Variants in KPNA7 observed in about 807,000 individuals in gnomAD.
KPNA7 encodes the protein importin subunit alpha-8.
A neutral mutation model predicts 53.7 loss-of-function variants in KPNA7; 54 were observed. That is an observed-to-expected ratio of 1.01 (90% CI 0.81 to 1.26). The LOEUF is 1.26. KPNA7 is among the 50% of genes most tolerant of loss of function. KPNA7 has a pLI of 0.00. For synonymous variants in KPNA7, 276 were observed against 259.3 expected (o/e 1.06, Z -0.62); for missense variants, 640 against 644.5 (o/e 0.99, Z 0.07).
chr7:99,149,839 TATAG>T, the KPNA7 span, among the ~76,000 whole-genome samples: 1 of 152,084 alleles, frequency 6.6e-6, no homozygotes, highest in Non-Finnish European at 1.5e-5. Context: ...CAGGCTGGAG[TATAG>T]CAGCACGATC....
At chr7:99,208,263 A>G (rs973841944), upstream of KPNA7, among the ~76,000 whole-genome samples, 6 of 148,864 alleles carry the variant, frequency 4.0e-5, 1 homozygote, top group Admixed American at 4.0e-4. Context: ...TATTTTATTT[A>G]TTTATTTTTT....
intron 8 of KPNA7, among the ~76,000 whole-genome samples, chr7:99,183,113 G>C (rs28588864): frequency 1.3e-5 from 2 of 151,988 alleles, no homozygotes; most frequent in African/African-American, 4.8e-5. Context: ...AAAATTAGCC[G>C]GGTGTGGAGG....
intron 4 of KPNA7, 150 bp downstream of exon 4, chr7:99,195,934 A>G (rs1322751860): frequency 3.1e-6 from 2 of 639,134 alleles, no homozygotes; most frequent in South Asian, 1.9e-5. Context: ...TAGAATAGCA[A>G]TTTCGTCTTT....
chr7:99,168,263 G>T, the KPNA7 span, among the ~76,000 whole-genome samples: 1 of 152,088 alleles, frequency 6.6e-6, no homozygotes, highest in East Asian at 1.9e-4. Flanking sequence ...TGATACTTAG[G>T]TCCTACCCCC....
the KPNA7 span, among the ~76,000 whole-genome samples, chr7:99,166,628 T>C: frequency 6.6e-6 from 1 of 151,634 alleles, no homozygotes; most frequent in African/African-American, 2.4e-5. Flanking sequence ...CTATTTTATT[T>C]ATTTTTTTTG....
the KPNA7 span, among the ~76,000 whole-genome samples, chr7:99,163,372 TA>T: frequency 5.0e-5 from 3 of 59,786 alleles, no homozygotes; most frequent in Non-Finnish European, 1.1e-4. Context: ...TATATATATA[TA>T]TATATATATA....
chr7:99,149,430 G>A, the KPNA7 span, among the ~76,000 whole-genome samples: 1 of 152,188 alleles, frequency 6.6e-6, no homozygotes, highest in Non-Finnish European at 1.5e-5. Flanking sequence ...TTGCTTATCT[G>A]TAAAATGGAA....
intron 2 of KPNA7, 87 bp downstream of exon 2, chr7:99,207,314 T>G: frequency 1.3e-5 from 15 of 1,112,080 alleles, no homozygotes; most frequent in Non-Finnish European, 2.0e-5. Context: ...ATTACAGGCA[T>G]GAGCCACCGC....
chr7:99,150,418 C>CTTTTT, the KPNA7 span, among the ~76,000 whole-genome samples: 2 of 18,320 alleles, frequency 1.1e-4, no homozygotes, highest in South Asian at 3.1e-3. Flanking sequence ...ATGAATCATT[C>CTTTTT]TTCTCTTTTT....
downstream of KPNA7, among the ~76,000 whole-genome samples, chr7:99,173,153 A>G (rs1179931549): frequency 6.6e-6 from 1 of 151,422 alleles, no homozygotes; most frequent in South Asian, 2.1e-4. Context: ...TTGCTTTAAG[A>G]CCTTTTAAAA....
intron 3 of KPNA7, among the ~76,000 whole-genome samples, chr7:99,201,118 T>C (rs945679953): frequency 1.3e-5 from 2 of 152,196 alleles, no homozygotes; most frequent in East Asian, 1.9e-4. Context: ...GTTTATATGA[T>C]TGCATTTCTA....
intron 3 of KPNA7, among the ~76,000 whole-genome samples, chr7:99,202,562 T>C (rs772077303): frequency 1.3e-5 from 2 of 151,940 alleles, no homozygotes; most frequent in South Asian, 2.1e-4. Context: ...ATCACCTTTT[T>C]GGCCAGGTAC....
chr7:99,203,638 G>A (rs1479989667), intron 2 of KPNA7, among the ~76,000 whole-genome samples: 2 of 152,052 alleles, frequency 1.3e-5, no homozygotes, highest in African/African-American at 4.8e-5. Context: ...GATAGATGGT[G>A]TTGGGGACGA....
At chr7:99,201,821 G>A (rs1440236329) in intron 3 of KPNA7, among the ~76,000 whole-genome samples, 3 of 151,822 alleles carry the variant, frequency 2.0e-5, no homozygotes, top group Non-Finnish European at 4.4e-5. Flanking sequence ...CAACTCTCCT[G>A]CTCAGCCTCC....
chr7:99,185,301 A>G (rs1054388257), intron 7 of KPNA7, 139 bp from the exon 8 acceptor site: 7 of 650,784 alleles, frequency 1.1e-5, no homozygotes, highest in Non-Finnish European at 1.9e-5. Flanking sequence ...CAGGAATTGT[A>G]TCTGTGATCA....
chr7:99,187,807 A>ATT (rs1789690295), intron 7 of KPNA7, among the ~76,000 whole-genome samples: 8 of 29,794 alleles, frequency 2.7e-4, no homozygotes, highest in African/African-American at 5.0e-4. Context: ...TTTAAAAAAA[A>ATT]AAAAAAAAAA....
chr7:99,218,626 C>T (rs80039459), intron 1 of KPNA7, among the ~76,000 whole-genome samples: 8,244 of 152,256 alleles, frequency 0.054, 487 homozygotes, highest in African/African-American at 0.15. Context: ...TCCTTATCCA[C>T]CCTCAAAAAC....
chr7:99,149,272 G>A, the KPNA7 span, among the ~76,000 whole-genome samples: 2 of 152,048 alleles, frequency 1.3e-5, no homozygotes, highest in African/African-American at 2.4e-5. Flanking sequence ...ATGTGTTCAG[G>A]ATCCAGGACA....
rs1675266385 is a variant in KPNA7, at chr7:99,188,096, A to T, written c.900+204T>A. On this transcript the variant is annotated intron_variant, in intron 7 of 10. Transcript: ENST00000327442. The stretch of plus-strand genomic sequence containing the variant: ...AGGCTGAGATAGGAGAATCGCTTGA[A>T]CCTGGGAGGCAGAGGTTGCAATGAG... 2.8e-5 allele frequency among the ~76,000 whole-genome samples: 4 copies of T among 141,692 alleles called. No homozygotes were observed. The South Asian group carries it at 9.2e-4, about 33-fold the overall frequency. 93.0% of individuals were successfully genotyped at this position (141,692 alleles called of 152,430 possible).
Sources: allele counts gnomAD v4.1 joint callset (sites outside exome capture counted in the v4.1 genomes callset), GRCh38; gene constraint gnomAD v4.1.1; transcripts MANE v1.5; gene names NCBI Gene and HGNC (gene_info 2026-07-23, HGNC 2026-07-21).